Variants in MPZL1 observed in about 807,000 individuals in gnomAD.
MPZL1 encodes myelin protein zero like 1, also known as myelin protein zero-like protein 1.
A neutral mutation model predicts 29.3 loss-of-function variants in MPZL1; 16 were observed. That is an observed-to-expected ratio of 0.55 (90% CI 0.37 to 0.83). The LOEUF (loss-of-function observed/expected upper bound fraction) is 0.83. Among genes scored for constraint, MPZL1 ranks in the 40% least tolerant of loss-of-function variants. The probability of loss-of-function intolerance (pLI) is 0.00; values close to 1 mark genes in which losing one functional copy is unlikely to be tolerated. For missense variants in MPZL1, 279 were observed against 332.9 expected (o/e 0.84, Z 1.26); for synonymous variants, 143 against 132.0 (o/e 1.08, Z -0.57).
In MPZL1 at chr1:167,787,738, C is replaced by G; in HGVS notation, c.709-82C>G. 2.9e-6 allele frequency: 3 copies of G among 1,017,378 alleles called. No homozygotes were observed. In the South Asian group the frequency reaches 4.1e-5, roughly 14 times the overall value. The allele number at this position is 1,017,378 out of a possible 1,614,324, so 63.0% of individuals were successfully genotyped here. Reference sequence around the variant, plus strand: ...TTGCTTTGGAACCCTGATGTGATCACGTTAATCATTGCTTCTATGCCTGTA... The same window carrying G: ...TTGCTTTGGAACCCTGATGTGATCAGGTTAATCATTGCTTCTATGCCTGTA... On this transcript the variant is annotated intron_variant, in intron 5 of 5. Transcript: ENST00000359523.
Position 167,732,870 on chromosome 1 carries a change from A to G in MPZL1, c.91+10628A>G, listed in dbSNP as rs1660299517. On this transcript the variant is annotated intron_variant, in intron 1 of 5. Transcript: ENST00000359523. ...TGACCCGCCTGCCTTGGCCTCCCAA[A>G]GTCATTTTAGTTCTTTAAATGTTTT... Among the ~76,000 whole-genome samples, 2 of 152,212 alleles carry G rather than the reference A, an allele frequency of 1.3e-5. 1 individual carries two copies. The highest frequency in any genetic ancestry group is 4.1e-4 in the South Asian group (2 of 4,834).
intron 1 of MPZL1, among the ~76,000 whole-genome samples, chr1:167,746,183 C>T (rs1165773888): frequency 1.3e-5 from 2 of 151,888 alleles, no homozygotes; most frequent in African/African-American, 2.4e-5. Flanking sequence ...GTTGGCCCAA[C>T]GGGAGTGGGT....
intron 5 of MPZL1, 80 bp from the exon 6 acceptor site, chr1:167,787,740 T>A: frequency 9.5e-7 from 1 of 1,048,138 alleles, no homozygotes; most frequent in Non-Finnish European, 1.5e-6. Context: ...TGTGATCACG[T>A]TAATCATTGC....
chr1:167,771,067 C>T (rs143417853), intron 2 of MPZL1, among the ~76,000 whole-genome samples: 422 of 148,534 alleles, frequency 2.8e-3, no homozygotes, highest in African/African-American at 9.8e-3. Context: ...GTGGCAGGGT[C>T]ATAGGATAAT....
At chr1:167,778,422 C>G (rs6658820) in intron 5 of MPZL1, among the ~76,000 whole-genome samples, 113,328 of 151,162 alleles carry the variant, frequency 0.75, 42,998 homozygotes, top group African/African-American at 0.86. Context: ...TACTTGAAAG[C>G]CTAAGTGGGA....
chr1:167,765,783 C>T (rs761576390), intron 2 of MPZL1, 34 bp downstream of exon 2: 6 of 1,538,718 alleles, frequency 3.9e-6, no homozygotes, highest in Non-Finnish European at 5.2e-6. Flanking sequence ...GCTAGTCCTG[C>T]CTCACAGGTT....
intron 1 of MPZL1, among the ~76,000 whole-genome samples, chr1:167,760,796 C>T (rs1660971920): frequency 9.0e-6 from 1 of 111,530 alleles, no homozygotes; most frequent in Non-Finnish European, 2.0e-5. Flanking sequence ...TGTGTGTGTA[C>T]AGGTGTCATC....
At chr1:167,758,920 T>C (rs1660925439) in intron 1 of MPZL1, among the ~76,000 whole-genome samples, 1 of 152,226 alleles carries the variant, frequency 6.6e-6, no homozygotes, top group Non-Finnish European at 1.5e-5. Context: ...CTCATTTCCA[T>C]GTTGAAGTTT....
At chr1:167,773,476 C>T in intron 4 of MPZL1, 108 bp downstream of exon 4, 1 of 1,316,704 alleles carries the variant, frequency 7.6e-7, no homozygotes, top group Non-Finnish European at 1.0e-6. Flanking sequence ...CTACTATTTT[C>T]TTTCATGTCA....
At chr1:167,736,400 G>A (rs1233251208) in intron 1 of MPZL1, among the ~76,000 whole-genome samples, 1 of 152,164 alleles carries the variant, frequency 6.6e-6, no homozygotes, top group Non-Finnish European at 1.5e-5. Context: ...CTTACCAACT[G>A]ACCATTACAT....
chr1:167,722,906 C>G (rs1660067793), intron 1 of MPZL1, among the ~76,000 whole-genome samples: 1 of 152,064 alleles, frequency 6.6e-6, no homozygotes, highest in Non-Finnish European at 1.5e-5. Context: ...TGGTCAAATC[C>G]ATCATAATTC....
chr1:167,773,483 G>A (rs995008081), intron 4 of MPZL1, 115 bp downstream of exon 4: 4 of 1,270,740 alleles, frequency 3.1e-6, no homozygotes, highest in African/African-American at 1.5e-5. Flanking sequence ...TTTCTTTCAT[G>A]TCAGAATCAG....
intron 1 of MPZL1, among the ~76,000 whole-genome samples, chr1:167,762,747 G>A (rs546342255): frequency 6.3e-4 from 96 of 152,344 alleles, no homozygotes; most frequent in Non-Finnish European, 1.1e-3. Context: ...GGCTGGGGTA[G>A]GCCTGATCTT....
chr1:167,776,048 AT>A lies in MPZL1; in HGVS notation c.606-14del. 1.1e-5 allele frequency: 17 copies of A among 1,539,918 alleles called. No individual in the cohort carries two copies. Among genetic ancestry groups the A allele is most frequent in the Non-Finnish European group, 1.5e-5 (17 of 1,136,470 alleles). Reference sequence around the variant, plus strand: ...ATTATTTTTTACATTTGTTCTTCAAATTGCCAATTCATCAGCTGCAGTACAT... The same window carrying A: ...ATTATTTTTTACATTTGTTCTTCAAATGCCAATTCATCAGCTGCAGTACAT... On this transcript the variant is annotated splice_polypyrimidine_tract_variant and intron_variant, in intron 4 of 5. Coordinates refer to ENST00000359523, the MANE Select transcript of MPZL1 (RefSeq NM_003953.6).
rs899277175 is a variant in MPZL1, at chr1:167,753,820, G to A, written c.92-11763G>A. Among the ~76,000 whole-genome samples the A allele has an allele frequency of 1.5e-4, 23 of 152,022 alleles. No homozygotes were observed. The Middle Eastern group carries it at 0.01, about 67-fold the overall frequency. On this transcript the variant is annotated intron_variant, in intron 1 of 5. Transcript: ENST00000359523. ...AATTTTCGTATTTTTAGTAGAGATG[G>A]GATTTCACCATGTTGGCCAGGTTGG...
chr1:167,771,201 G>A (rs1432964610), intron 2 of MPZL1, among the ~76,000 whole-genome samples: 3 of 152,022 alleles, frequency 2.0e-5, no homozygotes, highest in South Asian at 4.2e-4. Flanking sequence ...GACTCTTAAC[G>A]AGTATGCTGC....
chr1:167,771,929 G>A (rs1238909745), intron 2 of MPZL1, among the ~76,000 whole-genome samples: 1 of 152,156 alleles, frequency 6.6e-6, no homozygotes, highest in African/African-American at 2.4e-5. Context: ...CTGGAGGCCA[G>A]CCCGGTCAAC....
intron 5 of MPZL1, chr1:167,787,160 CT>C (rs1176285575): frequency 1.4e-5 from 2 of 147,990 alleles, no homozygotes; most frequent in African/African-American, 5.0e-5. Context: ...TTTGTTTTTT[CT>C]TTTTAATTTT....
chr1:167,744,683 C>A (rs1183636263), intron 1 of MPZL1, among the ~76,000 whole-genome samples: 160 of 126,802 alleles, frequency 1.3e-3, no homozygotes, highest in East Asian at 1.6e-3. Context: ...AACTCAGTCT[C>A]AAAAAAAAAA....
Sources: allele counts gnomAD v4.1 joint callset (sites outside exome capture counted in the v4.1 genomes callset), GRCh38; gene constraint gnomAD v4.1.1; transcripts MANE v1.5; gene names NCBI Gene and HGNC (gene_info 2026-07-23, HGNC 2026-07-21).